DLG2: variants seen among roughly 807,000 people sequenced by gnomAD.
The protein encoded by DLG2 is disks large homolog 2.
DLG2 carries 45 observed loss-of-function variants against 132.5 expected under a neutral mutation model. That is an observed-to-expected ratio of 0.34 (90% CI 0.27 to 0.44). The LOEUF is 0.44. Ranked by LOEUF, DLG2 falls within the 20% of genes least tolerant of loss-of-function variation. DLG2 has a pLI of 1.00. For missense variants in DLG2, 1,045 were observed against 1,196.9 expected, an observed-to-expected ratio of 0.87 and a Z score of 1.87; for synonymous variants, 424 against 419.6, an observed-to-expected ratio of 1.01 and a Z score of -0.13.
chr11:85,320,040 G>A (rs2080949851), intron 3 of DLG2, among the ~76,000 whole-genome samples: 1 of 151,794 alleles, frequency 6.6e-6, no homozygotes, highest in African/African-American at 2.4e-5. Context: ...CTTAAACCAT[G>A]CTCTTTGAGC....
At chr11:84,529,874 A>G (rs370998984) in intron 7 of DLG2, among the ~76,000 whole-genome samples, 6 of 152,338 alleles carry the variant, frequency 3.9e-5, no homozygotes, top group African/African-American at 1.4e-4. Flanking sequence ...TGAGTATCAC[A>G]TTCTTGGACT....
intron 3 of DLG2, among the ~76,000 whole-genome samples, chr11:85,410,618 C>G (rs2089226156): frequency 6.6e-6 from 1 of 151,724 alleles, no homozygotes; most frequent in African/African-American, 2.4e-5. Flanking sequence ...ACCAGTGGGT[C>G]CGCTTAATGT....
At chr11:84,811,284 A>G (rs1348630045) in intron 6 of DLG2, among the ~76,000 whole-genome samples, 3 of 152,132 alleles carry the variant, frequency 2.0e-5, no homozygotes, top group African/African-American at 4.8e-5. Context: ...ATGCATGAGT[A>G]TGTTTCTGTG....
chr11:84,888,187 G>A (rs76152121), intron 6 of DLG2, among the ~76,000 whole-genome samples: 16,507 of 152,018 alleles, frequency 0.11, 1,295 homozygotes, highest in African/African-American at 0.22. Flanking sequence ...ATAAAACATT[G>A]TTTCTGAATG....
chr11:83,679,174 C>T (rs552182226), intron 18 of DLG2, among the ~76,000 whole-genome samples: 2 of 152,226 alleles, frequency 1.3e-5, no homozygotes, highest in Admixed American at 1.3e-4. Flanking sequence ...TATATTTAAA[C>T]AAAATTTTCT....
In DLG2 at chr11:85,012,573, T is replaced by G. The variant is rs909240614; in HGVS notation, c.357+99088A>C. On this transcript the variant is annotated intron_variant, in intron 6 of 27. Coordinates refer to ENST00000376104, the MANE Select transcript of DLG2 (RefSeq NM_001142699.3). ...TAGGCATTATAATTACAAATATAAT[T>G]ATTATGCTAAGCAATGAATTGTACT... Among the ~76,000 whole-genome samples, 10 of 152,042 alleles carry G rather than the reference T, an allele frequency of 6.6e-5. No individual in the cohort carries two copies. The East Asian group carries it at 1.9e-3, about 29-fold the overall frequency.
rs192245166 is a variant in DLG2, at chr11:85,557,055, C to A, written c.40+41602G>T. ...TACCTAGAAAACTCTAAAGATTCTA[C>A]CAAGAAGCTCCTGGAACTGATAAAC... On this transcript the variant is annotated intron_variant, in intron 3 of 27. Transcript: ENST00000376104. Among the ~76,000 whole-genome samples, 26 of 151,810 alleles carry A rather than the reference C, an allele frequency of 1.7e-4. 1 individual carries two copies. The East Asian group carries it at 2.9e-3, about 17-fold the overall frequency.
At chr11:84,698,148 C>A (rs1431764975) in intron 6 of DLG2, among the ~76,000 whole-genome samples, 1 of 151,404 alleles carries the variant, frequency 6.6e-6, no homozygotes, top group Non-Finnish European at 1.5e-5. Flanking sequence ...TGGATAGGGC[C>A]TTTGCTGATA....
intron 7 of DLG2, among the ~76,000 whole-genome samples, chr11:84,475,208 C>T (rs935441993): frequency 6.6e-6 from 1 of 152,068 alleles, no homozygotes; most frequent in Non-Finnish European, 1.5e-5. Flanking sequence ...TTTCCTTCTC[C>T]AAAACCATGT....
intron 12 of DLG2, among the ~76,000 whole-genome samples, chr11:83,971,562 T>C (rs2091347866): frequency 6.6e-6 from 1 of 152,170 alleles, no homozygotes; most frequent in Non-Finnish European, 1.5e-5. Flanking sequence ...GGCAAGATAC[T>C]GACCTTTCCA....
At chr11:84,229,743 C>A (rs2097063402) in intron 8 of DLG2, among the ~76,000 whole-genome samples, 1 of 152,150 alleles carries the variant, frequency 6.6e-6, no homozygotes, top group Non-Finnish European at 1.5e-5. Context: ...ACTACTTGAC[C>A]TTGGCCACAT....
At chr11:84,145,550 T>G (rs948055435) in intron 9 of DLG2, among the ~76,000 whole-genome samples, 1 of 152,214 alleles carries the variant, frequency 6.6e-6, no homozygotes, top group Non-Finnish European at 1.5e-5. Context: ...TGTTATGTGG[T>G]ACATGACTGT....
In DLG2 at chr11:85,392,208, T is replaced by C. The variant is rs11823673; in HGVS notation, c.41-106843A>G. Among the ~76,000 whole-genome samples, 1,450 of 151,918 alleles carry C rather than the reference T, an allele frequency of 9.5e-3. 18 individuals carry two copies. Among genetic ancestry groups the C allele is most frequent in the African/African-American group, 0.032 (1,307 of 41,434 alleles). ...TACAATACCTGCAAAGAAAATAAAA[T>C]ACTTAGGAATATACTTAAGCAAGGA... is the stretch of plus-strand genomic sequence containing the variant. On this transcript the variant is annotated intron_variant, in intron 3 of 27. Transcript: ENST00000376104.
chr11:84,649,946 T>G (rs1049228266), intron 6 of DLG2, among the ~76,000 whole-genome samples: 4 of 152,192 alleles, frequency 2.6e-5, no homozygotes, highest in African/African-American at 9.7e-5. Flanking sequence ...TGTCTCATGT[T>G]CCTTCAGAAA....
At chr11:83,523,322 G>C (rs1270149612) in intron 21 of DLG2, among the ~76,000 whole-genome samples, 3 of 151,996 alleles carry the variant, frequency 2.0e-5, no homozygotes, top group Admixed American at 6.6e-5. Context: ...AACTATACTT[G>C]TTATTTATAT....
intron 25 of DLG2, 113 bp from the exon 26 acceptor site, chr11:83,466,930 TA>T: frequency 1.5e-6 from 1 of 680,982 alleles, no homozygotes; most frequent in Non-Finnish European, 2.6e-6. Context: ...GCTGGATTTC[TA>T]AAGTCAGAAA....
rs1168054074 is a variant in DLG2 at position 85,035,261 on chromosome 11, A to C, written c.357+76400T>G. 4.6e-5 allele frequency among the ~76,000 whole-genome samples: 7 copies of C among 152,340 alleles called. 1 individual carries two copies. The South Asian group carries it at 1.2e-3, about 27-fold the overall frequency. On this transcript the variant is annotated intron_variant, in intron 6 of 27. Coordinates refer to ENST00000376104, the MANE Select transcript of DLG2 (RefSeq NM_001142699.3). Reference sequence around the variant, plus strand: ...ACAGCAGATAGAAGATGGAAATGGGAAACTTAACACTCACCCCTTGAAATA... The same window carrying C: ...ACAGCAGATAGAAGATGGAAATGGGCAACTTAACACTCACCCCTTGAAATA...
intron 3 of DLG2, among the ~76,000 whole-genome samples, chr11:85,525,332 T>C (rs2074660941): frequency 2.0e-5 from 3 of 152,220 alleles, no homozygotes; most frequent in Admixed American, 6.5e-5. Flanking sequence ...TGATGTAAAA[T>C]GTTAAAACCT....
At chr11:84,078,676 TA>T (rs1206176002) in intron 10 of DLG2, among the ~76,000 whole-genome samples, 1 of 152,192 alleles carries the variant, frequency 6.6e-6, no homozygotes, top group African/African-American at 2.4e-5. Context: ...CTCCTAGAGG[TA>T]CACCTTACTC....
Sources: allele counts gnomAD v4.1 joint callset (sites outside exome capture counted in the v4.1 genomes callset), GRCh38; gene constraint gnomAD v4.1.1; transcripts MANE v1.5; gene names NCBI Gene and HGNC (gene_info 2026-07-23, HGNC 2026-07-21).